The following PCDHA5 variants were observed in gnomAD, a reference collection of about 807,000 sequenced individuals.
PCDHA5 encodes the protein protocadherin alpha 5.
Under a neutral mutation model 61.6 loss-of-function variants are expected in PCDHA5, and 43 were observed. The observed-to-expected ratio is 0.70, with a 90% CI of 0.55 to 0.90. PCDHA5 has a LOEUF of 0.90. Among genes scored for constraint, PCDHA5 ranks in the 40% least tolerant of loss-of-function variants. The pLI is 0.00. For missense variants in PCDHA5, 1,298 were observed against 1,222.7 expected (o/e 1.06, Z -0.92); for synonymous variants, 627 against 543.9 (o/e 1.15, Z -2.13).
Position 140,974,282 on chromosome 5 carries a change from T to C in PCDHA5, c.2353-4667T>C, listed in dbSNP as rs115449410. Among the ~76,000 whole-genome samples, 1,252 of 152,332 alleles carry C rather than the reference T, an allele frequency of 8.2e-3. 23 individuals carry two copies. The highest frequency in any genetic ancestry group is 0.028 in the African/African-American group (1,180 of 41,572). ...TTCTGGCCTTCCAGGGTCAGAACTC[T>C]GGGCTCCAAGGAGGTACAACTGTGA... On this transcript the variant is annotated intron_variant, in intron 1 of 3. Coordinates refer to ENST00000529859, the MANE Select transcript of PCDHA5 (RefSeq NM_018908.3).
At position 140,992,156 on chromosome 5, in the gene PCDHA5, A is replaced by G. The variant is rs79603129; in HGVS notation, c.2500+9593A>G. On this transcript the variant is annotated intron_variant, in intron 3 of 3. Coordinates refer to ENST00000529859, the MANE Select transcript of PCDHA5 (RefSeq NM_018908.3). ...TGATGATGCTAACTTTGCTCAATCA[A>G]GAAGTGTGATCCATTTAAATCATGC... Among the ~76,000 whole-genome samples the G allele has an allele frequency of 2.1e-3, 313 of 152,232 alleles. 2 individuals carry two copies. The highest frequency in any genetic ancestry group is 3.8e-3 in the Non-Finnish European group (258 of 67,998).
intron 1 of PCDHA5, chr5:140,967,312 A>G (rs1554229425): frequency 5.0e-6 from 8 of 1,611,226 alleles, no homozygotes; most frequent in Admixed American, 1.7e-5. Context: ...CCAACTCAGT[A>G]CAGACCTACG....
At chr5:140,850,732 G>C (rs1320738084) in intron 1 of PCDHA5, 1 of 1,597,956 alleles carries the variant, frequency 6.3e-7, no homozygotes, top group Non-Finnish European at 8.6e-7. Flanking sequence ...AGCGCGGTGG[G>C]GAGTTGGTCG....
chr5:140,838,092 G>C (rs1775529438), intron 1 of PCDHA5, among the ~76,000 whole-genome samples: 1 of 140,050 alleles, frequency 7.1e-6, no homozygotes, highest in Admixed American at 7.0e-5. Context: ...GTGTGTGTGT[G>C]TGTGTGTGTG....
intron 1 of PCDHA5, chr5:140,830,402 G>A: frequency 6.2e-7 from 1 of 1,614,186 alleles, no homozygotes; most frequent in Non-Finnish European, 8.5e-7. Flanking sequence ...GGATCTCATG[G>A]CCTTTAGCCC....
intron 1 of PCDHA5, chr5:140,870,487 T>A: frequency 6.2e-7 from 1 of 1,614,204 alleles, no homozygotes. Flanking sequence ...GTACACCGTG[T>A]TCGTGAAGGA....
At chr5:140,924,675 A>G (rs2081950007) in intron 1 of PCDHA5, among the ~76,000 whole-genome samples, 1 of 152,152 alleles carries the variant, frequency 6.6e-6, no homozygotes, top group Non-Finnish European at 1.5e-5. Flanking sequence ...CAGGCCAATC[A>G]CTTGAGGTCA....
intron 1 of PCDHA5, chr5:140,850,253 C>A: frequency 6.3e-7 from 1 of 1,593,758 alleles, no homozygotes; most frequent in South Asian, 1.1e-5. Flanking sequence ...GGTCGGTGGG[C>A]GCCGGCGTAG....
At chr5:140,906,961 T>C (rs143429690) in intron 1 of PCDHA5, among the ~76,000 whole-genome samples, 1 of 152,268 alleles carries the variant, frequency 6.6e-6, no homozygotes, top group African/African-American at 2.4e-5. Flanking sequence ...TTTAATGGAA[T>C]CGTGGTTGTG....
At chr5:140,841,910 A>C (rs2150325342) in intron 1 of PCDHA5, 2 of 1,613,928 alleles carry the variant, frequency 1.2e-6, no homozygotes, top group Admixed American at 3.3e-5. Context: ...GCTCGTATTA[A>C]GAAAATCCTT....
intron 1 of PCDHA5, chr5:140,884,245 G>A: frequency 6.2e-7 from 1 of 1,613,462 alleles, no homozygotes; most frequent in Non-Finnish European, 8.5e-7. Context: ...AGCCCGCGCT[G>A]ACGGCCACGG....
intron 1 of PCDHA5, chr5:140,926,694 G>T: frequency 4.0e-6 from 3 of 746,722 alleles, no homozygotes; most frequent in Non-Finnish European, 5.8e-6. Flanking sequence ...TAGCAAGCCC[G>T]GCTCCCAGCT....
intron 1 of PCDHA5, chr5:140,966,382 G>C (rs1188243032): frequency 5.0e-6 from 2 of 403,766 alleles, no homozygotes; most frequent in Non-Finnish European, 4.3e-6. Flanking sequence ...GTCCGGGTTC[G>C]CTGTCCGCCA....
intron 3 of PCDHA5, among the ~76,000 whole-genome samples, chr5:140,999,602 G>A (rs150839481): frequency 5.1e-4 from 78 of 152,202 alleles, no homozygotes; most frequent in African/African-American, 1.9e-3. Flanking sequence ...CTACATCCTG[G>A]GGGACCTTAT....
At position 140,856,085 on chromosome 5, in the gene PCDHA5, C is replaced by T. The variant is rs2043764270; in HGVS notation, c.2352+31958C>T. 5.0e-6 allele frequency: 8 copies of T among 1,596,290 alleles called. No homozygotes were observed. In the East Asian group the frequency reaches 1.8e-4, roughly 36 times the overall value. On this transcript the variant is annotated intron_variant, in intron 1 of 3. Transcript: ENST00000529859. ...ATGTAGCTGCCTGGGGGTCCAGTGT[C>T]TGCTGCTCTCGCTTCTTCTCCTCGC...
intron 1 of PCDHA5, chr5:140,966,941 G>C (rs1554228938): frequency 1.9e-6 from 3 of 1,604,498 alleles, no homozygotes; most frequent in Non-Finnish European, 2.5e-6. Context: ...CGCGCTCGTG[G>C]GCAACGTGGC....
chr5:140,863,548 T>C (rs1370374159), intron 1 of PCDHA5: 6 of 380,478 alleles, frequency 1.6e-5, no homozygotes, highest in South Asian at 4.1e-5. Context: ...TGGACTTCAA[T>C]AGGAAATTTT....
At chr5:140,923,839 A>G (rs2081544977) in intron 1 of PCDHA5, among the ~76,000 whole-genome samples, 1 of 152,236 alleles carries the variant, frequency 6.6e-6, no homozygotes, top group Non-Finnish European at 1.5e-5. Flanking sequence ...CAGTTTAAAT[A>G]GAGAAATGGG....
In PCDHA5 at chr5:140,876,419, A is replaced by G. The variant is rs2056334313; in HGVS notation, c.2352+52292A>G. On this transcript the variant is annotated intron_variant, in intron 1 of 3. Coordinates refer to ENST00000529859, the MANE Select transcript of PCDHA5 (RefSeq NM_018908.3). Reference sequence around the variant, plus strand: ...CTGGATTTTGAAGAGAATAATGCCTATGAAATTCAGGTTAACGCCATTGAT... The same window carrying G: ...CTGGATTTTGAAGAGAATAATGCCTGTGAAATTCAGGTTAACGCCATTGAT... 2.5e-6 allele frequency: 4 copies of G among 1,613,984 alleles called. No homozygotes were observed. In the East Asian group the frequency reaches 6.7e-5, roughly 27 times the overall value.
Sources: gnomAD v4.1 joint callset for allele counts (sites outside exome capture counted in the v4.1 genomes callset) on GRCh38, gnomAD v4.1.1 for gene constraint, MANE v1.5 for transcripts, NCBI Gene and HGNC (gene_info 2026-07-23, HGNC 2026-07-21) for gene names.